Variants in OCIAD1 observed in about 807,000 individuals in gnomAD.
OCIAD1 encodes OCIA domain containing 1, also known as OCIA domain-containing protein 1.
In OCIAD1, 29 loss-of-function variants were observed where a neutral mutation model predicts 38.9. That is an observed-to-expected ratio of 0.74 (90% CI 0.55 to 1.02). The LOEUF is 1.02. Among genes scored for constraint, OCIAD1 ranks in the 50% least tolerant of loss-of-function variants. The probability of loss-of-function intolerance (pLI) is 0.00; values close to 1 mark genes in which losing one functional copy is unlikely to be tolerated. For missense variants in OCIAD1, 288 were observed against 289.6 expected, an observed-to-expected ratio of 0.99 and a Z score of 0.04; for synonymous variants, 110 against 92.0, an observed-to-expected ratio of 1.20 and a Z score of -1.12.
At chr4:48,831,526 A>C in intron 1 of OCIAD1, 1 of 1,290,562 alleles carries the variant, frequency 7.7e-7, no homozygotes, top group South Asian at 1.2e-5. Context: ...TGGAGGATGG[A>C]GTGCGGTAAT....
At chr4:48,826,021 A>G (rs1358672825) in intron 1 of OCIAD1, among the ~76,000 whole-genome samples, 5 of 151,998 alleles carry the variant, frequency 3.3e-5, no homozygotes, top group Non-Finnish European at 7.4e-5. Context: ...AGTTTTAGGT[A>G]GAGACAGGGT....
intron 1 of OCIAD1, among the ~76,000 whole-genome samples, chr4:48,813,121 G>T (rs970510949): frequency 6.6e-6 from 1 of 152,190 alleles, no homozygotes; most frequent in Non-Finnish European, 1.5e-5. Context: ...ATGCGGGATG[G>T]ATGTCAAGTT....
chr4:48,817,544 A>G (rs1327355606), intron 1 of OCIAD1, among the ~76,000 whole-genome samples: 2 of 151,956 alleles, frequency 1.3e-5, no homozygotes, highest in African/African-American at 4.8e-5. Context: ...ATTTTTTCAT[A>G]CCCCAGTGGG....
intron 8 of OCIAD1, among the ~76,000 whole-genome samples, chr4:48,859,330 T>C (rs1486938102): frequency 6.6e-6 from 1 of 152,218 alleles, no homozygotes; most frequent in Non-Finnish European, 1.5e-5. Context: ...CTCTGTAATA[T>C]GTAAAGACTT....
chr4:48,840,872 C>G (rs1295231141), intron 3 of OCIAD1, among the ~76,000 whole-genome samples: 1 of 151,524 alleles, frequency 6.6e-6, no homozygotes, highest in Non-Finnish European at 1.5e-5. Flanking sequence ...AAAAAATTAG[C>G]CAGGCATGGC....
intron 4 of OCIAD1, among the ~76,000 whole-genome samples, chr4:48,843,005 C>T (rs1579076549): frequency 6.6e-6 from 1 of 152,114 alleles, no homozygotes; most frequent in Non-Finnish European, 1.5e-5. Context: ...TGTTAGAATG[C>T]ACATTCATGG....
intron 1 of OCIAD1, among the ~76,000 whole-genome samples, chr4:48,832,271 G>C (rs1777576042): frequency 6.6e-6 from 1 of 152,120 alleles, no homozygotes; most frequent in African/African-American, 2.4e-5. Flanking sequence ...ATAGATTCGA[G>C]AAACGACCAA....
intron 8 of OCIAD1, 29 bp downstream of exon 8, chr4:48,857,394 C>A: frequency 6.9e-7 from 1 of 1,446,564 alleles, no homozygotes; most frequent in South Asian, 1.5e-5. Flanking sequence ...AATCACTTTA[C>A]TGTTGAGGAT....
intron 1 of OCIAD1, among the ~76,000 whole-genome samples, chr4:48,807,618 T>C (rs1777042476): frequency 6.6e-6 from 1 of 152,212 alleles, no homozygotes. Context: ...AAAAGTATGT[T>C]TCTTGATCTC....
At chr4:48,815,265 G>T (rs568488898) in intron 1 of OCIAD1, among the ~76,000 whole-genome samples, 1 of 152,034 alleles carries the variant, frequency 6.6e-6, no homozygotes, top group Non-Finnish European at 1.5e-5. Flanking sequence ...GTGATCTGAG[G>T]TCGCGCCACA....
chr4:48,860,852 T>A lies in OCIAD1; in HGVS notation c.*90T>A. 1 of 919,844 alleles carries A rather than the reference T, an allele frequency of 1.1e-6. No individual in the cohort carries two copies. The highest frequency in any genetic ancestry group is 2.0e-5 in the Admixed American group (1 of 48,882). 57.0% of individuals were successfully genotyped at this position (919,844 alleles called of 1,614,324 possible). A position where few individuals can be genotyped will look rare whatever the true frequency, so the allele number is the denominator to read the frequency against. ...CTGCATGCTTTGAGCTCAGCAGCAG[T>A]CTTCATAAACACATTTAAAACAAGA... On this transcript the variant is annotated 3_prime_UTR_variant, in exon 9 of 9. Transcript: ENST00000264312.
chr4:48,831,068 C>T (rs148810269), upstream of OCIAD1: 23 of 239,872 alleles, frequency 9.6e-5, no homozygotes, highest in African/African-American at 4.7e-4. Context: ...TATACAGTGC[C>T]TCCGGGTCGC....
rs1357390064 is a variant in OCIAD1 at position 48,861,771 on chromosome 4, A to G, written c.*1009A>G. On this transcript the variant is annotated 3_prime_UTR_variant, in exon 9 of 9. Coordinates refer to ENST00000264312, the MANE Select transcript of OCIAD1 (RefSeq NM_017830.4). ...GGTAAATGCCTTAAAAAGCATTTTT[A>G]AAGAATTTGTAAATTCTAAAACAAT... The G allele has an allele frequency of 2.6e-5, 4 of 152,234 alleles. No individual in the cohort carries two copies. The highest frequency in any genetic ancestry group is 9.6e-5 in the African/African-American group (4 of 41,472). 9.4% of individuals were successfully genotyped at this position (152,234 alleles called of 1,614,324 possible).
At chr4:48,823,421 C>T (rs1207964839) in intron 1 of OCIAD1, among the ~76,000 whole-genome samples, 3 of 151,804 alleles carry the variant, frequency 2.0e-5, no homozygotes, top group East Asian at 1.9e-4. Flanking sequence ...GGAGGGAGAG[C>T]GTTAGGGCAA....
Position 48,833,606 on chromosome 4 carries a change from T to A in OCIAD1, c.139+125T>A, listed in dbSNP as rs1423884715. ...AAATTGGCAAACTTTTTGCATAGTG[T>A]GGTTGTTGTTAAAAGAGATTAAGGA... On this transcript the variant is annotated intron_variant, in intron 3 of 8. Coordinates refer to ENST00000264312, the MANE Select transcript of OCIAD1 (RefSeq NM_017830.4). 8.2e-6 allele frequency: 5 copies of A among 610,666 alleles called. No individual in the cohort carries two copies. In the Admixed American group the frequency reaches 1.6e-4, roughly 20 times the overall value. 37.8% of individuals were successfully genotyped at this position (610,666 alleles called of 1,614,324 possible). A position where few individuals can be genotyped will look rare whatever the true frequency, so the allele number is the denominator to read the frequency against.
intron 3 of OCIAD1, among the ~76,000 whole-genome samples, chr4:48,834,625 G>A (rs1477310846): frequency 6.6e-6 from 1 of 152,090 alleles, no homozygotes; most frequent in African/African-American, 2.4e-5. Flanking sequence ...AAAGAAATTA[G>A]CTGGGTGTGG....
At chr4:48,831,539 G>C (rs1777497660) in intron 1 of OCIAD1, 1 of 1,290,722 alleles carries the variant, frequency 7.7e-7, no homozygotes, top group South Asian at 1.2e-5. Context: ...GCGGTAATCA[G>C]CGGTTGTAGG....
rs532843453 is a variant in OCIAD1, at chr4:48,837,630, C to A, written c.139+4149C>A. Among the ~76,000 whole-genome samples, 40 of 150,754 alleles carry A rather than the reference C, an allele frequency of 2.7e-4. No individual in the cohort carries two copies. The South Asian group carries it at 8.2e-3, about 31-fold the overall frequency. On this transcript the variant is annotated intron_variant, in intron 3 of 8. Transcript: ENST00000264312. ...TTCTTAGAGAACTTGGCTGTATACTCCAGCAACAGTTCTTTTTTTTTTTTT... is the reference window on the plus strand; with the variant it reads ...TTCTTAGAGAACTTGGCTGTATACTACAGCAACAGTTCTTTTTTTTTTTTT...
chr4:48,848,321 A>G (rs1329234531), intron 4 of OCIAD1, 78 bp from the exon 5 acceptor site: 6 of 722,106 alleles, frequency 8.3e-6, no homozygotes, highest in African/African-American at 1.8e-5. Context: ...ATGTTGTAAG[A>G]TTATATTTAA....
Sources: gnomAD v4.1 joint callset for allele counts (sites outside exome capture counted in the v4.1 genomes callset) on GRCh38, gnomAD v4.1.1 for gene constraint, MANE v1.5 for transcripts, NCBI Gene and HGNC (gene_info 2026-07-23, HGNC 2026-07-21) for gene names.